Variants in ENTREP2 observed in about 807,000 individuals in gnomAD.
ENTREP2 encodes endosomal transmembrane epsin interactor 2.
the ENTREP2 span, among the ~76,000 whole-genome samples, chr15:29,589,980 C>T: frequency 1.3e-5 from 2 of 152,240 alleles, no homozygotes; most frequent in Non-Finnish European, 2.9e-5. Context: ...CATCCTCACA[C>T]AGCTCACTCC....
chr15:29,448,616 G>T, the ENTREP2 span, among the ~76,000 whole-genome samples: 25 of 152,136 alleles, frequency 1.6e-4, no homozygotes, highest in Non-Finnish European at 1.0e-4. Flanking sequence ...TGACCACAAG[G>T]TTTGTTTCAA....
At chr15:29,644,476 G>A in the ENTREP2 span, among the ~76,000 whole-genome samples, 274 of 152,266 alleles carry the variant, frequency 1.8e-3, 4 homozygotes, top group African/African-American at 6.0e-3. Flanking sequence ...GGAAGTAAAC[G>A]CTCAAAGGGT....
At chr15:29,234,230 C>T in the ENTREP2 span, 49 of 1,611,506 alleles carry the variant, frequency 3.0e-5, no homozygotes, top group Admixed American at 4.2e-4. Context: ...TGGTGGTTGT[C>T]GTAACTCTTC....
chr15:29,434,478 A>T, the ENTREP2 span, among the ~76,000 whole-genome samples: 1 of 152,154 alleles, frequency 6.6e-6, no homozygotes, highest in Non-Finnish European at 1.5e-5. Flanking sequence ...TCCCACACTA[A>T]TCCACAGCTG....
At chr15:29,368,782 C>T in the ENTREP2 span, among the ~76,000 whole-genome samples, 2 of 151,886 alleles carry the variant, frequency 1.3e-5, no homozygotes, top group African/African-American at 4.8e-5. Flanking sequence ...GAGGCTGAGG[C>T]AGGAGGGAGA....
chr15:29,530,745 A>G, the ENTREP2 span, among the ~76,000 whole-genome samples: 1 of 152,248 alleles, frequency 6.6e-6, no homozygotes, highest in South Asian at 2.1e-4. Context: ...AATTACATTT[A>G]GGGCTTTGTA....
At chr15:29,480,992 C>G in the ENTREP2 span, among the ~76,000 whole-genome samples, 2 of 152,100 alleles carry the variant, frequency 1.3e-5, no homozygotes, top group African/African-American at 4.8e-5. Context: ...AGGGAAAGTC[C>G]CTAGACCATA....
chr15:29,367,776 A>G, the ENTREP2 span, among the ~76,000 whole-genome samples: 1 of 152,118 alleles, frequency 6.6e-6, no homozygotes, highest in South Asian at 2.1e-4. Context: ...TCTGTCCAAT[A>G]ACTAGGTAAC....
the ENTREP2 span, among the ~76,000 whole-genome samples, chr15:29,615,308 A>T: frequency 2.0e-5 from 3 of 151,726 alleles, no homozygotes; most frequent in Non-Finnish European, 4.4e-5. Flanking sequence ...GGCACACACC[A>T]CCATGCTGGG....
chr15:29,128,880 G>A, the ENTREP2 span: 2 of 1,545,280 alleles, frequency 1.3e-6, no homozygotes, highest in Non-Finnish European at 1.7e-6. Flanking sequence ...GTAAGAAACA[G>A]AAAGCGTCAA....
At chr15:29,140,951 G>A in the ENTREP2 span, among the ~76,000 whole-genome samples, 1 of 152,226 alleles carries the variant, frequency 6.6e-6, no homozygotes, top group African/African-American at 2.4e-5. Flanking sequence ...CATCACTAGT[G>A]CCCAGGGCTG....
the ENTREP2 span, among the ~76,000 whole-genome samples, chr15:29,646,524 G>A: frequency 6.6e-6 from 1 of 152,092 alleles, no homozygotes; most frequent in African/African-American, 2.4e-5. Context: ...TTGTGGTTGG[G>A]CTCTTTCTCC....
the ENTREP2 span, among the ~76,000 whole-genome samples, chr15:29,364,513 C>A: frequency 6.6e-6 from 1 of 152,214 alleles, no homozygotes; most frequent in African/African-American, 2.4e-5. Flanking sequence ...TCTGCTGTGA[C>A]GTCCTTCCAT....
the ENTREP2 span, among the ~76,000 whole-genome samples, chr15:29,351,214 T>G: frequency 6.6e-6 from 1 of 152,226 alleles, no homozygotes; most frequent in African/African-American, 2.4e-5. Flanking sequence ...TGTACTGTAC[T>G]AAACACTGTA....
chr15:29,601,833 T>C, the ENTREP2 span, among the ~76,000 whole-genome samples: 1 of 152,218 alleles, frequency 6.6e-6, no homozygotes, highest in African/African-American at 2.4e-5. Flanking sequence ...GAATGACATA[T>C]GCACAATGAC....
chr15:29,596,436 G>A, the ENTREP2 span, among the ~76,000 whole-genome samples: 2 of 152,020 alleles, frequency 1.3e-5, no homozygotes, highest in Non-Finnish European at 2.9e-5. Context: ...ATACGTGTAC[G>A]GTGGTTTCAG....
the ENTREP2 span, among the ~76,000 whole-genome samples, chr15:29,567,613 G>C: frequency 7.2e-5 from 11 of 152,138 alleles, no homozygotes; most frequent in Non-Finnish European, 1.2e-4. Flanking sequence ...GTTCTGCTGT[G>C]TTCCAATGGC....
chr15:29,272,132 C>G, the ENTREP2 span, among the ~76,000 whole-genome samples: 1 of 151,444 alleles, frequency 6.6e-6, no homozygotes, highest in African/African-American at 2.4e-5. Context: ...CAAAACATCT[C>G]TCTACACTCT....
At chr15:29,439,695 T>C in the ENTREP2 span, among the ~76,000 whole-genome samples, 1 of 152,190 alleles carries the variant, frequency 6.6e-6, no homozygotes, top group Non-Finnish European at 1.5e-5. Context: ...CCAGAATATT[T>C]ATTAATCACT....
Sources: allele counts gnomAD v4.1 joint callset (sites outside exome capture counted in the v4.1 genomes callset), GRCh38; gene constraint gnomAD v4.1.1; transcripts MANE v1.5; gene names NCBI Gene and HGNC (gene_info 2026-07-23, HGNC 2026-07-21).